Variants in ZNF687 observed in about 807,000 individuals in gnomAD.
The protein encoded by ZNF687 is zinc finger protein 687.
A neutral mutation model predicts 71.8 loss-of-function variants in ZNF687; 13 were observed. The observed-to-expected ratio is 0.18, with a 90% confidence interval of 0.12 to 0.29. The LOEUF (loss-of-function observed/expected upper bound fraction) is 0.29. ZNF687 is among the 10% of genes least tolerant of loss of function. The probability of loss-of-function intolerance (pLI) is 1.00; values close to 1 mark genes in which losing one functional copy is unlikely to be tolerated. For synonymous variants in ZNF687, 673 were observed against 641.6 expected (o/e 1.05, Z -0.74); for missense variants, 1,412 against 1,625.6 (o/e 0.87, Z 2.26).
At chr1:151,289,036 C>A in intron 3 of ZNF687, 59 bp from the exon 4 acceptor site, 1 of 1,559,516 alleles carries the variant, frequency 6.4e-7, no homozygotes, top group East Asian at 2.2e-5. Flanking sequence ...ATGTATGGTC[C>A]CGGGGTGGGC....
rs1694088176 is a variant in ZNF687, at chr1:151,289,227, C to T, written c.2427C>T (p.Ala809=). ...TCAAGTCTGGGCCAAGTGCCCATGC[C>T]CACCTCTACTCCCAGCATCCCAGCT... is the stretch of plus-strand genomic sequence containing the variant. ...MAFKSGPSAH[A]HLYSQHPSFQ... The change falls in exon 4 of 9, where the codon GCC becomes GCT. Residue 809 remains alanine (A), a synonymous_variant. Coordinates refer to ENST00000336715, the MANE Select transcript of ZNF687 (RefSeq NM_020832.3). 1 of 1,614,118 alleles carries T rather than the reference C, an allele frequency of 6.2e-7. No individual in the cohort carries two copies. The highest frequency in any genetic ancestry group is 8.5e-7 in the Non-Finnish European group (1 of 1,180,032).
chr1:151,282,086 T>C, upstream of ZNF687: 1 of 1,282,468 alleles, frequency 7.8e-7, no homozygotes, highest in Non-Finnish European at 1.0e-6. Flanking sequence ...AGAGGTATCT[T>C]CAGAGGGCCT....
chr1:151,283,497 ACTGT>A (rs1033629421), intron 1 of ZNF687, among the ~76,000 whole-genome samples: 33 of 150,930 alleles, frequency 2.2e-4, no homozygotes, highest in Non-Finnish European at 3.8e-4. Flanking sequence ...TGCTTGGTCG[ACTGT>A]CTGCTCTGGG....
Position 151,290,863 on chromosome 1 carries a change from G to C in ZNF687, c.3368G>C (p.Ser1123Thr). ...CGGAGCAGCAGCTCCACAGAACAGA[G>C]CCTCATGATGGGGTTGAGGGTGGAG... Reference protein sequence around the residue: ...RYRSSSSTEQSLMMGLRVEDG... With the variant: ...RYRSSSSTEQTLMMGLRVEDG... The change falls in exon 9 of 9, where the codon AGC becomes ACC. Residue 1123 changes from serine (S) to threonine (T), a missense_variant. Coordinates refer to ENST00000336715, the MANE Select transcript of ZNF687 (RefSeq NM_020832.3). The C allele has an allele frequency of 8.1e-6, 13 of 1,614,074 alleles. No homozygotes were observed. The highest frequency in any genetic ancestry group is 1.1e-5 in the Non-Finnish European group (13 of 1,180,030).
At position 151,289,092 on chromosome 1, in the gene ZNF687, T is replaced by C. The variant is rs1340173437; in HGVS notation, c.2295-3T>C. 1 of 1,613,498 alleles carries C rather than the reference T, an allele frequency of 6.2e-7. No individual in the cohort carries two copies. The highest frequency in any genetic ancestry group is 1.3e-5 in the African/African-American group (1 of 74,944). On this transcript the variant is annotated splice_region_variant and splice_polypyrimidine_tract_variant and intron_variant, in intron 3 of 8. Coordinates refer to ENST00000336715, the MANE Select transcript of ZNF687 (RefSeq NM_020832.3). ...ACCACAGGGCCTCCTGCTTCCTCCC[T>C]AGGTGCCCCAGCTGTTCAGTGGTGT...
upstream of ZNF687, chr1:151,281,917 G>A: frequency 3.6e-6 from 3 of 839,322 alleles, no homozygotes; most frequent in South Asian, 1.7e-5. Context: ...AGCTTCGAGC[G>A]GCCAGTAGGG....
chr1:151,290,997 A>G lies in ZNF687; in HGVS notation c.3502A>G (p.Ser1168Gly), dbSNP rs1249069344. The G allele has an allele frequency of 6.2e-7, 1 of 1,613,866 alleles. No individual in the cohort carries two copies. Among genetic ancestry groups the G allele is most frequent in the African/African-American group, 1.3e-5 (1 of 74,904 alleles). ...HKKRRGVGKA[S>G]ALGLGDGEEE... is the part of the protein sequence containing the mutation. ...GAAGAGACGGGGTGTGGGTAAAGCC[A>G]GTGCCCTGGGGCTGGGGGATGGGGA... Residue 1168 changes from serine (S) to glycine (G), a missense_variant, in exon 9 of 9, where the codon AGT becomes GGT. Transcript: ENST00000336715.
At chr1:151,282,055 A>G, upstream of ZNF687, 1 of 1,282,972 alleles carries the variant, frequency 7.8e-7, no homozygotes, top group Non-Finnish European at 1.0e-6. Context: ...GGGCAGACGG[A>G]CCCCGGCGCA....
At chr1:151,289,657 C>T (rs1449279247) in intron 5 of ZNF687, 21 bp from the exon 6 acceptor site, 10 of 1,583,760 alleles carry the variant, frequency 6.3e-6, no homozygotes, top group Non-Finnish European at 6.0e-6. Context: ...CAACAGCAAC[C>T]TCCCTTGTCT....
In ZNF687 at chr1:151,290,840, G is replaced by C. The variant is rs752299456; in HGVS notation, c.3345G>C (p.Arg1115=). The C allele has an allele frequency of 4.3e-6, 7 of 1,613,910 alleles. No individual in the cohort carries two copies. The Admixed American group carries it at 1.2e-4, about 27-fold the overall frequency. The change falls in exon 9 of 9, where the codon CGG becomes CGC. Residue 1115 remains arginine (R), a synonymous_variant. Coordinates refer to ENST00000336715, the MANE Select transcript of ZNF687 (RefSeq NM_020832.3). ...GSGGHGPLRY[R]SSSSTEQSLM... The stretch of plus-strand genomic sequence containing the variant: ...GAGGCCATGGCCCTCTGCGCTACCG[G>C]AGCAGCAGCTCCACAGAACAGAGCC...
Position 151,290,744 on chromosome 1 carries a change from T to C in ZNF687, c.3249T>C (p.Ser1083=). The C allele has an allele frequency of 2.5e-6, 4 of 1,609,916 alleles. No homozygotes were observed. The highest frequency in any genetic ancestry group is 3.4e-6 in the Non-Finnish European group (4 of 1,177,810). ...QGPGRKRRQS[S]DSCSEEPDST... is the part of the protein sequence containing the mutation. Reference sequence around the variant, plus strand: ...CAGGTCGGAAACGCCGCCAGTCTTCTGACTCTTGCAGTGAGGAGCCTGACA... The same window carrying C: ...CAGGTCGGAAACGCCGCCAGTCTTCCGACTCTTGCAGTGAGGAGCCTGACA... Residue 1083 remains serine (S), a synonymous_variant, in exon 9 of 9, where the codon TCT becomes TCC. Coordinates refer to ENST00000336715, the MANE Select transcript of ZNF687 (RefSeq NM_020832.3).
chr1:151,286,414 G>A lies in ZNF687; in HGVS notation c.123G>A (p.Gly41=), dbSNP rs1388383792. The change falls in exon 2 of 9, where the codon GGG becomes GGA. Residue 41 remains glycine, a synonymous_variant. Coordinates refer to ENST00000336715, the MANE Select transcript of ZNF687 (RefSeq NM_020832.3). ...PEENEGPGGP[G]KPEPGVGSES... ...AAAATGAGGGGCCTGGAGGCCCAGG[G>A]AAGCCAGAACCAGGTGTAGGAAGTG... 2 of 1,613,588 alleles carry A rather than the reference G, an allele frequency of 1.2e-6. No homozygotes were observed. The highest frequency in any genetic ancestry group is 2.2e-5 in the East Asian group (1 of 44,880).
upstream of ZNF687, chr1:151,281,924 AGGGAGCGAGGGGCGGAGACGCACCT>A: frequency 1.1e-6 from 1 of 920,716 alleles, no homozygotes; most frequent in Non-Finnish European, 1.5e-6. Context: ...AGCGGCCAGT[AGGGAGCGAGGGGCGGAGACGCACCT>A]GGGTGCTCCC....
At chr1:151,289,321 C>T (rs1340151300) in intron 4 of ZNF687, 50 bp downstream of exon 4, 2 of 1,612,818 alleles carry the variant, frequency 1.2e-6, no homozygotes, top group African/African-American at 2.7e-5. Context: ...TGGTGGGGCG[C>T]AGGAGGGGAG....
chr1:151,288,352 C>T lies in ZNF687; in HGVS notation c.2061C>T (p.Gly687=). The stretch of plus-strand genomic sequence containing the variant: ...AGGAACAGTGCCGGGACAAGGCTGG[C>T]ATGGCAGCTCACTTCCAGCAGCTCG... ...ECKEQCRDKA[G]MAAHFQQLGP... The change falls in exon 2 of 9, where the codon GGC becomes GGT. Residue 687 remains glycine (G), a synonymous_variant. Coordinates refer to ENST00000336715, the MANE Select transcript of ZNF687 (RefSeq NM_020832.3). The T allele has an allele frequency of 6.2e-7, 1 of 1,610,070 alleles. No homozygotes were observed. Among genetic ancestry groups the T allele is most frequent in the Non-Finnish European group, 8.5e-7 (1 of 1,179,690 alleles).
chr1:151,282,277 G>A (rs1693741214), upstream of ZNF687: 6 of 1,006,914 alleles, frequency 6.0e-6, no homozygotes, highest in South Asian at 2.2e-4. Context: ...GAGGGAGTGG[G>A]GAGGCCGAAC....
Position 151,286,281 on chromosome 1 carries a change from G to A in ZNF687, c.-11G>A, listed in dbSNP as rs772475401. 2.1e-4 allele frequency: 326 copies of A among 1,539,644 alleles called. No homozygotes were observed. In the Middle Eastern group the frequency reaches 2.8e-3, roughly 13 times the overall value. ...TCGTTCCTGTTTTCATCAGGTCTGG[G>A]ATCTGCCGATATGGGGGATATGAAG... On this transcript the variant is annotated 5_prime_UTR_variant, in exon 2 of 9. Transcript: ENST00000336715.
chr1:151,285,123 C>G (rs1370913067), intron 1 of ZNF687: 1 of 152,138 alleles, frequency 6.6e-6, no homozygotes, highest in Non-Finnish European at 1.5e-5. Context: ...AAGAAACTTG[C>G]TTGTACTGCA....
In ZNF687 at chr1:151,284,829, T is replaced by G. The variant is rs865942380; in HGVS notation, c.-17-1446T>G. On this transcript the variant is annotated intron_variant, in intron 1 of 8. Transcript: ENST00000336715. ...TTTTTTTTTTTTTTTTTTTTTTTTT[T>G]GAGACGGTATCACTCTGTCACCCAG... is the stretch of plus-strand genomic sequence containing the variant. 1.6e-4 allele frequency among the ~76,000 whole-genome samples: 18 copies of G among 111,214 alleles called. 1 individual carries two copies. The Middle Eastern group carries it at 0.028, about 175-fold the overall frequency. The allele number at this position is 111,214 out of a possible 152,430, so 73.0% of individuals were successfully genotyped here.
Sources: allele counts gnomAD v4.1 joint callset (sites outside exome capture counted in the v4.1 genomes callset), GRCh38; gene constraint gnomAD v4.1.1; transcripts MANE v1.5; gene names NCBI Gene and HGNC (gene_info 2026-07-23, HGNC 2026-07-21).